Variants in CNTN5 observed in about 807,000 individuals in gnomAD.
CNTN5 encodes the protein contactin-5.
A neutral mutation model predicts 129.1 loss-of-function variants in CNTN5; 77 were observed. The ratio of observed to expected loss-of-function variants is 0.60; its 90% CI spans 0.50 to 0.72. The LOEUF is 0.72. CNTN5 is among the 30% of genes least tolerant of loss of function. CNTN5 has a pLI of 0.00. For synonymous variants in CNTN5, 509 were observed against 465.6 expected, an observed-to-expected ratio of 1.09 and a Z score of -1.20; for missense variants, 1,478 against 1,328.8, an observed-to-expected ratio of 1.11 and a Z score of -1.75.
At chr11:99,974,283 A>C (rs527413341) in intron 8 of CNTN5, among the ~76,000 whole-genome samples, 1 of 152,322 alleles carries the variant, frequency 6.6e-6, no homozygotes, top group South Asian at 2.1e-4. Context: ...GTACACGCCT[A>C]ATCTTTATAC....
At chr11:99,545,976 T>C (rs1272250630) in intron 2 of CNTN5, among the ~76,000 whole-genome samples, 1 of 149,740 alleles carries the variant, frequency 6.7e-6, no homozygotes, top group Non-Finnish European at 1.5e-5. Flanking sequence ...TTCAACAACT[T>C]GGACTTTGAA....
At chr11:99,224,895 G>A (rs1191075681) in intron 1 of CNTN5, among the ~76,000 whole-genome samples, 1 of 151,946 alleles carries the variant, frequency 6.6e-6, no homozygotes, top group African/African-American at 2.4e-5. Flanking sequence ...AAACTGGAAG[G>A]TGGACTCACA....
chr11:100,021,664 G>A (rs1034881508), intron 9 of CNTN5, among the ~76,000 whole-genome samples: 8 of 149,706 alleles, frequency 5.3e-5, no homozygotes, highest in African/African-American at 2.0e-4. Context: ...CTAATAGGAT[G>A]TATGTATATA....
intron 3 of CNTN5, among the ~76,000 whole-genome samples, chr11:99,727,268 T>TGCAGTCC: frequency 8.4e-6 from 1 of 119,292 alleles, no homozygotes; most frequent in Non-Finnish European, 1.6e-5. Context: ...ATTGCGCCAC[T>TGCAGTCC]GCAGTCCGCA....
intron 21 of CNTN5, among the ~76,000 whole-genome samples, chr11:100,321,728 T>G (rs555953606): frequency 6.6e-6 from 1 of 152,318 alleles, no homozygotes; most frequent in Middle Eastern, 3.4e-3. Flanking sequence ...TTTTCTTCTA[T>G]ACCTAATTTG....
intron 14 of CNTN5, among the ~76,000 whole-genome samples, chr11:100,192,408 T>C (rs528415249): frequency 1.3e-5 from 2 of 152,170 alleles, no homozygotes; most frequent in South Asian, 2.1e-4. Flanking sequence ...TGTTAATATT[T>C]ACAGTGACAT....
chr11:99,125,654 A>C (rs1163940263), intron 1 of CNTN5, among the ~76,000 whole-genome samples: 1 of 152,150 alleles, frequency 6.6e-6, no homozygotes, highest in Non-Finnish European at 1.5e-5. Flanking sequence ...AGGAAGAAAG[A>C]AAGCCAAACT....
intron 1 of CNTN5, among the ~76,000 whole-genome samples, chr11:99,185,350 A>G (rs1160789751): frequency 6.6e-6 from 1 of 151,828 alleles, no homozygotes; most frequent in Non-Finnish European, 1.5e-5. Flanking sequence ...TGGATCACAA[A>G]AACACCTAAA....
intron 3 of CNTN5, among the ~76,000 whole-genome samples, chr11:99,616,112 T>G (rs1950752872): frequency 6.6e-6 from 1 of 152,186 alleles, no homozygotes; most frequent in Non-Finnish European, 1.5e-5. Context: ...TCTGTGCAAC[T>G]TTATGACATT....
chr11:99,390,166 C>T (rs527537102), intron 2 of CNTN5, among the ~76,000 whole-genome samples: 3 of 150,696 alleles, frequency 2.0e-5, no homozygotes, highest in East Asian at 1.9e-4. Flanking sequence ...TGCCCAGGTT[C>T]GAGAACAGTG....
intron 3 of CNTN5, among the ~76,000 whole-genome samples, chr11:99,621,197 A>G (rs1157995275): frequency 6.6e-6 from 1 of 152,168 alleles, no homozygotes; most frequent in African/African-American, 2.4e-5. Flanking sequence ...ATGAAAGACT[A>G]CCCAAAAGCA....
chr11:99,863,911 G>A (rs887320754), intron 6 of CNTN5, among the ~76,000 whole-genome samples: 59 of 152,060 alleles, frequency 3.9e-4, no homozygotes, highest in Non-Finnish European at 2.9e-5. Flanking sequence ...AAGTCAAGGG[G>A]GTATGAAGGT....
At chr11:99,721,741 A>G (rs530414951) in intron 3 of CNTN5, among the ~76,000 whole-genome samples, 1 of 152,324 alleles carries the variant, frequency 6.6e-6, no homozygotes, top group African/African-American at 2.4e-5. Flanking sequence ...GCCTCTGACA[A>G]AGGTCCAATA....
intron 1 of CNTN5, among the ~76,000 whole-genome samples, chr11:99,220,616 A>C (rs1207256480): frequency 6.6e-6 from 1 of 151,912 alleles, no homozygotes; most frequent in South Asian, 2.1e-4. Flanking sequence ...AAAATCCATT[A>C]CTTTTACTTG....
intron 2 of CNTN5, among the ~76,000 whole-genome samples, chr11:99,516,783 ATGTT>A (rs1222406557): frequency 1.3e-5 from 2 of 152,134 alleles, no homozygotes; most frequent in Admixed American, 1.3e-4. Flanking sequence ...ATGTGTAAAA[ATGTT>A]AGTATTAAAA....
At chr11:100,117,244 C>G (rs1419148599) in intron 13 of CNTN5, among the ~76,000 whole-genome samples, 1 of 151,848 alleles carries the variant, frequency 6.6e-6, no homozygotes, top group East Asian at 1.9e-4. Context: ...ACTTCAGGAC[C>G]TGGGTTCTGG....
At chr11:99,412,241 G>T (rs1942429936) in intron 2 of CNTN5, among the ~76,000 whole-genome samples, 1 of 152,070 alleles carries the variant, frequency 6.6e-6, no homozygotes, top group Non-Finnish European at 1.5e-5. Flanking sequence ...ATACTGTACT[G>T]TACATTGGTG....
rs1234601941 is a variant in CNTN5 at position 99,607,100 on chromosome 11, G to C, written c.55+50831G>C. Among the ~76,000 whole-genome samples the C allele has an allele frequency of 2.2e-3, 277 of 126,538 alleles. 5 individuals carry two copies. Among genetic ancestry groups the C allele is most frequent in the Middle Eastern group, 3.7e-3 (1 of 268 alleles). 83.0% of individuals were successfully genotyped at this position (126,538 alleles called of 152,430 possible). The stretch of plus-strand genomic sequence containing the variant: ...AACAAAAGCCAAAATTGACAAATGG[G>C]ATCTAATGAAACTAAAGAGCTTCTG... On this transcript the variant is annotated intron_variant, in intron 3 of 24. Coordinates refer to ENST00000524871, the MANE Select transcript of CNTN5 (RefSeq NM_014361.4).
intron 13 of CNTN5, among the ~76,000 whole-genome samples, chr11:100,152,172 GTCTCCTTTT>G (rs1172337762): frequency 2.6e-5 from 4 of 152,098 alleles, no homozygotes; most frequent in Non-Finnish European, 5.9e-5. Flanking sequence ...CGACTCATTT[GTCTCCTTTT>G]TCTCCTTAAC....
Sources: gnomAD v4.1 joint callset for allele counts (sites outside exome capture counted in the v4.1 genomes callset) on GRCh38, gnomAD v4.1.1 for gene constraint, MANE v1.5 for transcripts, NCBI Gene and HGNC (gene_info 2026-07-23, HGNC 2026-07-21) for gene names.